Variants in LARGE1 observed in about 807,000 individuals in gnomAD.
LARGE1 encodes the protein LARGE xylosyl- and glucuronyltransferase 1, also known as xylosyl- and glucuronyltransferase LARGE1.
A neutral mutation model predicts 87.6 loss-of-function variants in LARGE1; 43 were observed. The observed-to-expected ratio is 0.49, with a 90% CI of 0.38 to 0.63. The LOEUF is 0.63. Among genes scored for constraint, LARGE1 ranks in the 30% least tolerant of loss-of-function variants. The pLI is 0.00. For missense variants in LARGE1, 802 were observed against 1,000.2 expected (o/e 0.80, Z 2.67); for synonymous variants, 434 against 394.6 (o/e 1.10, Z -1.18).
At chr22:33,080,429 C>A in the LARGE1 span, among the ~76,000 whole-genome samples, 2 of 152,274 alleles carry the variant, frequency 1.3e-5, no homozygotes, top group Non-Finnish European at 2.9e-5. Context: ...AGGATGCAGG[C>A]TAAGAAAATG....
At chr22:33,595,935 T>C (rs952164507) in intron 5 of LARGE1, among the ~76,000 whole-genome samples, 5 of 152,150 alleles carry the variant, frequency 3.3e-5, no homozygotes, top group African/African-American at 1.2e-4. Context: ...AGATGAAGAT[T>C]TCAGTAAGGC....
chr22:33,475,424 ATATT>A (rs71320980), intron 6 of LARGE1, among the ~76,000 whole-genome samples: 54,344 of 134,882 alleles, frequency 0.4, 11,075 homozygotes, highest in Non-Finnish European at 0.43. Flanking sequence ...TCAGTGAGTC[ATATT>A]TATTTATTTA....
intron 11 of LARGE1, among the ~76,000 whole-genome samples, chr22:33,265,957 T>C (rs1036938963): frequency 2.6e-5 from 4 of 152,152 alleles, no homozygotes; most frequent in African/African-American, 9.7e-5. Flanking sequence ...CACATTCAAG[T>C]GTGAGAAGCA....
intron 3 of LARGE1, among the ~76,000 whole-genome samples, chr22:33,631,172 T>A (rs568678968): frequency 8.1e-5 from 12 of 149,042 alleles, no homozygotes; most frequent in African/African-American, 2.9e-4. Context: ...TTTTTTTTTT[T>A]AAGAGATGGG....
intron 11 of LARGE1, among the ~76,000 whole-genome samples, chr22:33,172,377 C>T (rs1922621466): frequency 6.6e-6 from 1 of 151,990 alleles, no homozygotes; most frequent in African/African-American, 2.4e-5. Context: ...GTGGTTTCTC[C>T]CATGCTGTTC....
intron 5 of LARGE1, among the ~76,000 whole-genome samples, chr22:33,604,154 A>G (rs1266907558): frequency 2.0e-5 from 3 of 152,214 alleles, no homozygotes; most frequent in African/African-American, 7.2e-5. Context: ...GACAGCTACC[A>G]TAGACCACTT....
At chr22:33,334,327 C>T (rs1367516084) in intron 10 of LARGE1, among the ~76,000 whole-genome samples, 2 of 146,908 alleles carry the variant, frequency 1.4e-5, no homozygotes, top group African/African-American at 2.6e-5. Context: ...AGCAGAATTG[C>T]TTGAACCGGA....
At chr22:33,752,992 C>T (rs1052154554) in intron 2 of LARGE1, among the ~76,000 whole-genome samples, 1 of 152,110 alleles carries the variant, frequency 6.6e-6, no homozygotes, top group Non-Finnish European at 1.5e-5. Flanking sequence ...GAGGCCAAGG[C>T]GGGTGGATCA....
intron 1 of LARGE1, among the ~76,000 whole-genome samples, chr22:33,878,965 TTTC>T (rs66789308): frequency 0.56 from 83,543 of 148,092 alleles, 23,459 homozygotes; most frequent in East Asian, 0.63. Context: ...CCCAGTTTCT[TTTC>T]TTCTTCTTCT....
chr22:33,134,186 A>G, the LARGE1 span, among the ~76,000 whole-genome samples: 2 of 152,064 alleles, frequency 1.3e-5, no homozygotes, highest in Admixed American at 6.6e-5. Flanking sequence ...TCTAAAGTCA[A>G]TGAATGATCT....
chr22:33,279,484 G>A (rs1173268890), intron 13 of LARGE1, among the ~76,000 whole-genome samples: 3 of 152,154 alleles, frequency 2.0e-5, no homozygotes, highest in Non-Finnish European at 4.4e-5. Context: ...CTACCACTGA[G>A]GCTGGACTCC....
Position 33,233,303 on chromosome 22 carries a change from A to ATG in LARGE1, c.1731-66472_1731-66471insCA, listed in dbSNP as rs1568983813. 8.3e-3 allele frequency among the ~76,000 whole-genome samples: 1,265 copies of ATG among 151,964 alleles called. 20 individuals carry two copies. The highest frequency in any genetic ancestry group is 0.029 in the African/African-American group (1,186 of 41,436). ...TAGTGATGATGATGATGATGATGAT[A>ATG]ATGATGATGACAATGATGATGATAC... On this transcript the variant is annotated intron_variant, in intron 11 of 11. Coordinates refer to the LARGE1 transcript ENST00000608642.
chr22:33,904,542 C>A (rs1457600901), intron 1 of LARGE1, among the ~76,000 whole-genome samples: 2 of 152,186 alleles, frequency 1.3e-5, no homozygotes, highest in Non-Finnish European at 2.9e-5. Context: ...ACCCAGGGCT[C>A]CTGGCATCCC....
At chr22:33,629,928 G>T (rs375649707) in intron 3 of LARGE1, among the ~76,000 whole-genome samples, 2 of 152,194 alleles carry the variant, frequency 1.3e-5, no homozygotes, top group East Asian at 1.9e-4. Flanking sequence ...GCTGTGCGCG[G>T]TGACTCATGC....
the LARGE1 span, among the ~76,000 whole-genome samples, chr22:33,098,426 T>G: frequency 1.3e-5 from 2 of 152,088 alleles, no homozygotes; most frequent in African/African-American, 2.4e-5. Flanking sequence ...GAGACCATCC[T>G]GGCTAACACG....
chr22:33,445,573 A>G (rs559046514), intron 6 of LARGE1, among the ~76,000 whole-genome samples: 1 of 152,124 alleles, frequency 6.6e-6, no homozygotes, highest in East Asian at 1.9e-4. Flanking sequence ...CTCCTTGATC[A>G]CTGAGACAGA....
At chr22:33,586,716 C>G (rs557580493) in intron 5 of LARGE1, among the ~76,000 whole-genome samples, 1 of 152,170 alleles carries the variant, frequency 6.6e-6, no homozygotes, top group Admixed American at 6.5e-5. Context: ...CTCAGCCTCC[C>G]GAAGTGCTGG....
chr22:33,465,714 C>T (rs1463514624), intron 6 of LARGE1, among the ~76,000 whole-genome samples: 1 of 152,178 alleles, frequency 6.6e-6, no homozygotes, highest in Non-Finnish European at 1.5e-5. Flanking sequence ...GCTTCTCCAG[C>T]CCTGGCACAG....
intron 3 of LARGE1, among the ~76,000 whole-genome samples, chr22:33,649,708 T>G (rs1041080368): frequency 6.6e-6 from 1 of 152,200 alleles, no homozygotes; most frequent in South Asian, 2.1e-4. Flanking sequence ...CTAATTCATC[T>G]CCACCATGAG....
Sources: gnomAD v4.1 joint callset for allele counts (sites outside exome capture counted in the v4.1 genomes callset) on GRCh38, gnomAD v4.1.1 for gene constraint, MANE v1.5 for transcripts, NCBI Gene and HGNC (gene_info 2026-07-23, HGNC 2026-07-21) for gene names.